The following CSMD1 variants were observed in gnomAD, a reference collection of about 807,000 sequenced individuals.
The protein encoded by CSMD1 is CUB and sushi domain-containing protein 1.
In CSMD1, 213 loss-of-function variants were observed where a neutral mutation model predicts 417.5. That is an observed-to-expected ratio of 0.51 (90% CI 0.46 to 0.57). The LOEUF (loss-of-function observed/expected upper bound fraction) is 0.57. Among genes scored for constraint, CSMD1 ranks in the 20% least tolerant of loss-of-function variants. The probability of loss-of-function intolerance (pLI) is 0.00; values close to 1 mark genes in which losing one functional copy is unlikely to be tolerated. For missense variants in CSMD1, 6,923 were observed against 4,529.7 expected (o/e 1.53, Z -15.17); for synonymous variants, 2,862 against 1,736.8 (o/e 1.65, Z -16.11).
At chr8:4,340,070 G>A (rs1800389446) in intron 3 of CSMD1, among the ~76,000 whole-genome samples, 1 of 151,972 alleles carries the variant, frequency 6.6e-6, no homozygotes, top group African/African-American at 2.4e-5. Context: ...GACTGACTCT[G>A]GTAACGTAAG....
chr8:3,614,999 G>A (rs565881769), intron 8 of CSMD1, among the ~76,000 whole-genome samples: 11 of 152,316 alleles, frequency 7.2e-5, no homozygotes, highest in Middle Eastern at 3.4e-3. Flanking sequence ...AGAATGGGGA[G>A]CCCTTGGAAG....
In CSMD1 at chr8:4,952,763, G is replaced by T. The variant is rs1016790476; in HGVS notation, c.85+41569C>A. On this transcript the variant is annotated intron_variant, in intron 1 of 69. Coordinates refer to ENST00000635120, the MANE Select transcript of CSMD1 (RefSeq NM_033225.6). ...CCTTTATTTTTATTTGAAATTTCCT[G>T]TAATTTCAATTTATAGCTTACATCC... 1.3e-5 allele frequency among the ~76,000 whole-genome samples: 2 copies of T among 152,184 alleles called. 1 individual carries two copies. The highest frequency in any genetic ancestry group is 4.2e-4 in the South Asian group (2 of 4,814).
At chr8:3,454,801 C>G (rs1012070719) in intron 12 of CSMD1, among the ~76,000 whole-genome samples, 21 of 152,136 alleles carry the variant, frequency 1.4e-4, no homozygotes, top group Non-Finnish European at 2.9e-4. Context: ...TTGAGTTGCT[C>G]TTCTCGAGGA....
intron 27 of CSMD1, among the ~76,000 whole-genome samples, chr8:3,225,012 C>CAAT (rs2116877885): frequency 6.6e-6 from 1 of 152,270 alleles, no homozygotes; most frequent in African/African-American, 2.4e-5. Flanking sequence ...TGTCTTATTT[C>CAAT]ATTCCCATTA....
intron 25 of CSMD1, among the ~76,000 whole-genome samples, chr8:3,301,809 G>C: frequency 6.6e-6 from 1 of 152,174 alleles, no homozygotes; most frequent in South Asian, 2.1e-4. Flanking sequence ...ATAAAGGATG[G>C]ATTTGGGAAG....
intron 1 of CSMD1, among the ~76,000 whole-genome samples, chr8:4,662,571 G>A (rs989326973): frequency 3.9e-5 from 6 of 152,154 alleles, no homozygotes; most frequent in East Asian, 1.9e-4. Context: ...ATGTAAAGAT[G>A]TCATTCATGT....
intron 10 of CSMD1, among the ~76,000 whole-genome samples, chr8:3,570,582 A>G (rs1254399467): frequency 6.6e-6 from 1 of 152,166 alleles, no homozygotes; most frequent in East Asian, 1.9e-4. Context: ...AAAAATGTCA[A>G]ACACCTGAGC....
At chr8:3,697,057 G>A (rs1398093752) in intron 7 of CSMD1, among the ~76,000 whole-genome samples, 1 of 152,150 alleles carries the variant, frequency 6.6e-6, no homozygotes, top group Non-Finnish European at 1.5e-5. Flanking sequence ...CAGACACAAG[G>A]TAGCAGCTTC....
At chr8:3,501,601 G>T (rs968262297) in intron 10 of CSMD1, among the ~76,000 whole-genome samples, 3 of 152,124 alleles carry the variant, frequency 2.0e-5, no homozygotes, top group African/African-American at 4.8e-5. Flanking sequence ...ACACTGGAAG[G>T]AACACTGGAA....
chr8:3,122,356 G>A (rs564400999), intron 41 of CSMD1, among the ~76,000 whole-genome samples: 81 of 152,240 alleles, frequency 5.3e-4, no homozygotes, highest in African/African-American at 1.1e-3. Flanking sequence ...GAACTACTGC[G>A]TTGATTAGAG....
chr8:3,413,147 G>C (rs539186205), intron 12 of CSMD1, among the ~76,000 whole-genome samples: 12 of 152,272 alleles, frequency 7.9e-5, no homozygotes, highest in African/African-American at 2.9e-4. Flanking sequence ...CTGGTATATT[G>C]CACTGGAAAT....
intron 3 of CSMD1, among the ~76,000 whole-genome samples, chr8:4,147,297 A>G (rs1157164575): frequency 6.6e-6 from 1 of 152,022 alleles, no homozygotes; most frequent in Admixed American, 6.5e-5. Flanking sequence ...CAAAGTTCCC[A>G]GCGGGGAAGG....
At chr8:4,442,688 C>T (rs910348487) in intron 2 of CSMD1, among the ~76,000 whole-genome samples, 3 of 152,054 alleles carry the variant, frequency 2.0e-5, no homozygotes, top group Non-Finnish European at 4.4e-5. Context: ...TCAATGTCTC[C>T]GAAAAGGTAG....
chr8:3,945,178 CAAAA>C (rs138900503), intron 5 of CSMD1, among the ~76,000 whole-genome samples: 2,207 of 118,916 alleles, frequency 0.019, 42 homozygotes, highest in East Asian at 0.088. Context: ...ATGAGAAAGA[CAAAA>C]AAAAAAAAAA....
intron 3 of CSMD1, among the ~76,000 whole-genome samples, chr8:4,064,918 G>A (rs561459954): frequency 2.9e-5 from 4 of 136,894 alleles, no homozygotes. Context: ...ATTGAGAATA[G>A]GACCTAGGCT....
intron 3 of CSMD1, among the ~76,000 whole-genome samples, chr8:4,231,426 T>G (rs368773025): frequency 6.6e-5 from 10 of 152,200 alleles, no homozygotes; most frequent in African/African-American, 2.2e-4. Context: ...AAAATTACGA[T>G]AAAAGTGATA....
intron 10 of CSMD1, among the ~76,000 whole-genome samples, chr8:3,551,598 T>TATATATATA (rs199718196): frequency 0.019 from 1,885 of 96,972 alleles, 5 homozygotes; most frequent in Non-Finnish European, 0.028. Context: ...ATATATATAT[T>TATATATATA]TTTTTTTTTT....
chr8:3,997,525 C>G (rs1815310227), intron 5 of CSMD1, among the ~76,000 whole-genome samples: 1 of 152,192 alleles, frequency 6.6e-6, no homozygotes, highest in South Asian at 2.1e-4. Flanking sequence ...CTGCAGCAGT[C>G]TGTCAATTCT....
At chr8:4,144,637 C>T (rs1320435329) in intron 3 of CSMD1, among the ~76,000 whole-genome samples, 2 of 150,894 alleles carry the variant, frequency 1.3e-5, no homozygotes, top group Non-Finnish European at 2.9e-5. Flanking sequence ...TCTGGAGCTT[C>T]TTTTTATCAG....
Sources: gnomAD v4.1 joint callset for allele counts (sites outside exome capture counted in the v4.1 genomes callset) on GRCh38, gnomAD v4.1.1 for gene constraint, MANE v1.5 for transcripts, NCBI Gene and HGNC (gene_info 2026-07-23, HGNC 2026-07-21) for gene names.